The following PAWR variants were observed in gnomAD, a reference collection of about 807,000 sequenced individuals.
The protein encoded by PAWR is PRKC apoptosis WT1 regulator protein.
PAWR carries 23 observed loss-of-function variants against 32.0 expected under a neutral mutation model. The ratio of observed to expected loss-of-function variants is 0.72; its 90% CI spans 0.52 to 1.02. The LOEUF (loss-of-function observed/expected upper bound fraction) is 1.02, where lower values mean the gene tolerates loss of function less well. PAWR is among the 50% of genes least tolerant of loss of function. The pLI is 0.00. For missense variants in PAWR, 457 were observed against 437.7 expected (o/e 1.04, Z -0.39); for synonymous variants, 226 against 187.1 (o/e 1.21, Z -1.70).
At chr12:79,680,102 A>T (rs1163272232) in intron 2 of PAWR, among the ~76,000 whole-genome samples, 2 of 152,244 alleles carry the variant, frequency 1.3e-5, no homozygotes, top group Non-Finnish European at 2.9e-5. Flanking sequence ...TTAGAAAAAC[A>T]TGGATTTGTC....
chr12:79,594,700 CGTGTGTGTGTGTGT>C (rs34121968), intron 5 of PAWR, among the ~76,000 whole-genome samples: 18 of 148,482 alleles, frequency 1.2e-4, no homozygotes, highest in South Asian at 4.3e-4. Flanking sequence ...GATTTAACCT[CGTGTGTGTGTGTGT>C]GTGTGTGTGT....
rs1260931618 is a variant in PAWR at position 79,587,634 on chromosome 12, A to T, written c.*4973T>A. ...GGCTTTGAGTCTTAAATCATTGTCC[A>T]CCTAAAATAATATACCAAATAAAGA... On this transcript the variant is annotated 3_prime_UTR_variant, in exon 7 of 7. Transcript: ENST00000328827. The T allele has an allele frequency of 6.6e-6, 1 of 152,004 alleles. No individual in the cohort carries two copies. Among genetic ancestry groups the T allele is most frequent in the African/African-American group, 2.4e-5 (1 of 41,446 alleles). The allele number at this position is 152,004 out of a possible 1,614,324, so 9.4% of individuals were successfully genotyped here.
intron 2 of PAWR, among the ~76,000 whole-genome samples, chr12:79,687,746 T>C (rs1446302962): frequency 6.6e-6 from 1 of 152,052 alleles, no homozygotes; most frequent in Non-Finnish European, 1.5e-5. Context: ...CACATGAAAA[T>C]GGCTCAGCTT....
chr12:79,651,299 A>T (rs888268187), intron 2 of PAWR, among the ~76,000 whole-genome samples: 2 of 152,280 alleles, frequency 1.3e-5, no homozygotes, highest in Non-Finnish European at 2.9e-5. Context: ...AAGGCAATTC[A>T]GAAAAGAAAT....
At chr12:79,617,525 G>A (rs185192625) in intron 3 of PAWR, among the ~76,000 whole-genome samples, 2 of 152,036 alleles carry the variant, frequency 1.3e-5, no homozygotes, top group East Asian at 3.9e-4. Flanking sequence ...AGAGAAAACT[G>A]GGCATATCTT....
intron 4 of PAWR, among the ~76,000 whole-genome samples, chr12:79,610,628 T>C (rs1049355256): frequency 6.6e-6 from 1 of 151,696 alleles, no homozygotes; most frequent in Non-Finnish European, 1.5e-5. Flanking sequence ...AGGTGAGGAG[T>C]AAAATTACAC....
chr12:79,666,277 C>A (rs1877599121), intron 2 of PAWR, among the ~76,000 whole-genome samples: 1 of 152,112 alleles, frequency 6.6e-6, no homozygotes, highest in Admixed American at 6.6e-5. Context: ...AATCAAGCAT[C>A]TAGGCTATCT....
intron 2 of PAWR, among the ~76,000 whole-genome samples, chr12:79,688,180 C>T (rs1187602867): frequency 6.6e-6 from 1 of 151,220 alleles, no homozygotes; most frequent in Non-Finnish European, 1.5e-5. Flanking sequence ...CTTAGGATCT[C>T]ACAAGATACA....
rs8176874 is a variant in PAWR at position 79,620,593 on chromosome 12, T to C, written c.648+483A>G. 7.7e-3 allele frequency among the ~76,000 whole-genome samples: 1,166 copies of C among 152,210 alleles called. 37 individuals are homozygous for C. In the East Asian group the frequency reaches 0.081, roughly 11 times the overall value. Reference sequence around the variant, plus strand: ...GGGGCAGCCAGAGTCCCAAGTAGAATGTGAAGTTTACCTTTACAGGAGGGT... The same window carrying C: ...GGGGCAGCCAGAGTCCCAAGTAGAACGTGAAGTTTACCTTTACAGGAGGGT... On this transcript the variant is annotated intron_variant, in intron 3 of 6. Coordinates refer to ENST00000328827, the MANE Select transcript of PAWR (RefSeq NM_002583.4).
At chr12:79,680,996 T>C (rs1369542364) in intron 2 of PAWR, among the ~76,000 whole-genome samples, 1 of 151,484 alleles carries the variant, frequency 6.6e-6, no homozygotes, top group East Asian at 1.9e-4. Flanking sequence ...AAGCCTGCAG[T>C]CCCAGCTACT....
Position 79,592,699 on chromosome 12 carries a change from GA to G in PAWR, c.937-7del, listed in dbSNP as rs761953474. On this transcript the variant is annotated splice_region_variant and splice_polypyrimidine_tract_variant and intron_variant, in intron 6 of 6. Coordinates refer to ENST00000328827, the MANE Select transcript of PAWR (RefSeq NM_002583.4). ...TCTTCTATGTCATCTAGGTCCTTAAGAAAAAAAAAAGACACTTTAAAAATAC... is the reference window on the plus strand; with the variant it reads ...TCTTCTATGTCATCTAGGTCCTTAAGAAAAAAAAAGACACTTTAAAAATAC... The G allele has an allele frequency of 6.0e-4, 358 of 601,438 alleles. No homozygotes were observed. Among genetic ancestry groups the G allele is most frequent in the South Asian group, 8.9e-4 (47 of 52,650 alleles). The allele number at this position is 601,438 out of a possible 1,614,324, so 37.3% of individuals were successfully genotyped here.
intron 2 of PAWR, among the ~76,000 whole-genome samples, chr12:79,659,438 GTTC>G (rs1454119210): frequency 6.6e-6 from 1 of 152,090 alleles, no homozygotes; most frequent in Non-Finnish European, 1.5e-5. Context: ...GGCTTTATTT[GTTC>G]TTGTCATTAA....
intron 2 of PAWR, among the ~76,000 whole-genome samples, chr12:79,678,239 G>GT (rs1188248002): frequency 6.6e-6 from 1 of 152,180 alleles, no homozygotes. Flanking sequence ...TCCAAAACCT[G>GT]TGAGAGTTGT....
At chr12:79,666,813 C>G (rs1287017307) in intron 2 of PAWR, among the ~76,000 whole-genome samples, 3 of 152,128 alleles carry the variant, frequency 2.0e-5, no homozygotes, top group Non-Finnish European at 4.4e-5. Flanking sequence ...AATGCTCATA[C>G]ATACAGTGAT....
chr12:79,613,722 T>C, intron 3 of PAWR, 113 bp from the exon 4 acceptor site: 2 of 499,864 alleles, frequency 4.0e-6, no homozygotes, highest in Middle Eastern at 5.3e-4. Flanking sequence ...CTTGAAGCAA[T>C]TACTGTTTTA....
At chr12:79,625,674 G>C (rs564819066) in intron 2 of PAWR, among the ~76,000 whole-genome samples, 1 of 152,024 alleles carries the variant, frequency 6.6e-6, no homozygotes, top group Non-Finnish European at 1.5e-5. Flanking sequence ...CAAAAAATTA[G>C]CTGGCCGTGG....
At chr12:79,647,525 TAATAGAC>T (rs1337743905) in intron 2 of PAWR, among the ~76,000 whole-genome samples, 2 of 152,128 alleles carry the variant, frequency 1.3e-5, no homozygotes, top group African/African-American at 4.8e-5. Context: ...TAAAAACAGT[TAATAGAC>T]AAGATGAAGA....
intron 3 of PAWR, among the ~76,000 whole-genome samples, chr12:79,614,324 T>C (rs1319792747): frequency 6.6e-6 from 1 of 150,646 alleles, no homozygotes; most frequent in Non-Finnish European, 1.5e-5. Flanking sequence ...AGTCTTTATA[T>C]ATCTCCCTTT....
At chr12:79,674,660 G>A (rs1210275694) in intron 2 of PAWR, among the ~76,000 whole-genome samples, 1 of 151,904 alleles carries the variant, frequency 6.6e-6, no homozygotes, top group African/African-American at 2.4e-5. Flanking sequence ...TTATGCATCT[G>A]ACAAAAGTCT....
Sources: allele counts gnomAD v4.1 joint callset (sites outside exome capture counted in the v4.1 genomes callset), GRCh38; gene constraint gnomAD v4.1.1; transcripts MANE v1.5; gene names NCBI Gene and HGNC (gene_info 2026-07-23, HGNC 2026-07-21).